Variants in ZMAT4 observed in about 807,000 individuals in gnomAD.
ZMAT4 encodes zinc finger matrin-type 4.
In ZMAT4, 17 loss-of-function variants were observed where a neutral mutation model predicts 28.7. The ratio of observed to expected loss-of-function variants is 0.59; its 90% CI spans 0.41 to 0.89. The LOEUF (loss-of-function observed/expected upper bound fraction) is 0.89. Ranked by LOEUF, ZMAT4 falls within the 40% of genes least tolerant of loss-of-function variation. The pLI is 0.00. For missense variants in ZMAT4, 240 were observed against 283.8 expected (o/e 0.85, Z 1.11); for synonymous variants, 117 against 109.2 (o/e 1.07, Z -0.44).
At chr8:40,569,411 T>C (rs1804022024) in intron 6 of ZMAT4, among the ~76,000 whole-genome samples, 1 of 152,184 alleles carries the variant, frequency 6.6e-6, no homozygotes, top group South Asian at 2.1e-4. Context: ...CAGCTATAGA[T>C]AGTTTACAAA....
chr8:40,730,850 A>G (rs1429936698), intron 3 of ZMAT4, among the ~76,000 whole-genome samples: 1 of 152,182 alleles, frequency 6.6e-6, no homozygotes, highest in Non-Finnish European at 1.5e-5. Flanking sequence ...ACTGTTTTGG[A>G]ACTCTGGAGT....
chr8:40,602,395 C>A (rs1433992771), intron 5 of ZMAT4, among the ~76,000 whole-genome samples: 2 of 152,152 alleles, frequency 1.3e-5, no homozygotes, highest in Non-Finnish European at 2.9e-5. Context: ...AGTGGGAATG[C>A]TGGCTGGATC....
At chr8:40,811,236 T>A (rs1815301001) in intron 2 of ZMAT4, among the ~76,000 whole-genome samples, 1 of 152,064 alleles carries the variant, frequency 6.6e-6, no homozygotes, top group African/African-American at 2.4e-5. Flanking sequence ...GTAAAGTGTG[T>A]TTTACTGGAG....
chr8:40,739,239 G>A (rs1055432487), intron 3 of ZMAT4, among the ~76,000 whole-genome samples: 12 of 152,152 alleles, frequency 7.9e-5, no homozygotes, highest in Admixed American at 5.2e-4. Context: ...ATACCCAAAA[G>A]GAGTCACGGC....
chr8:40,604,468 T>C (rs1043070530), intron 5 of ZMAT4, among the ~76,000 whole-genome samples: 2 of 152,232 alleles, frequency 1.3e-5, no homozygotes, highest in Non-Finnish European at 2.9e-5. Flanking sequence ...TCTGTATCTA[T>C]TGAGATGATC....
intron 6 of ZMAT4, among the ~76,000 whole-genome samples, chr8:40,532,599 C>G (rs1389218247): frequency 6.6e-6 from 1 of 152,152 alleles, no homozygotes; most frequent in African/African-American, 2.4e-5. Flanking sequence ...GCAGAACCCT[C>G]TTGTTGAAAG....
intron 5 of ZMAT4, among the ~76,000 whole-genome samples, chr8:40,667,454 C>T (rs1808467189): frequency 6.6e-6 from 1 of 152,038 alleles, no homozygotes; most frequent in South Asian, 2.1e-4. Context: ...GTGCCCGGCC[C>T]TGTCCTGCAA....
At chr8:40,859,474 G>GCA (rs757107216) in intron 1 of ZMAT4, among the ~76,000 whole-genome samples, 11 of 120,358 alleles carry the variant, frequency 9.1e-5, no homozygotes, top group Admixed American at 5.4e-4. Flanking sequence ...ACACACACAT[G>GCA]CACACACACA....
At chr8:40,707,629 A>G (rs1810418821) in intron 3 of ZMAT4, among the ~76,000 whole-genome samples, 1 of 137,650 alleles carries the variant, frequency 7.3e-6, no homozygotes, top group African/African-American at 2.9e-5. Context: ...GTATACATAC[A>G]TATAAGTATA....
At chr8:40,790,563 T>C (rs1229838616) in intron 2 of ZMAT4, among the ~76,000 whole-genome samples, 1 of 152,172 alleles carries the variant, frequency 6.6e-6, no homozygotes. Context: ...TATGAAATAT[T>C]TGGGGATAAA....
At chr8:40,587,788 T>C (rs1804716612) in intron 5 of ZMAT4, among the ~76,000 whole-genome samples, 6 of 151,974 alleles carry the variant, frequency 3.9e-5, no homozygotes, top group Admixed American at 3.9e-4. Context: ...ACATTACATA[T>C]AAATGAATTA....
At chr8:40,602,329 T>C (rs1805426661) in intron 5 of ZMAT4, among the ~76,000 whole-genome samples, 1 of 152,238 alleles carries the variant, frequency 6.6e-6, no homozygotes, top group Admixed American at 6.5e-5. Context: ...TAAACATGCA[T>C]GTGCAAGAAT....
At chr8:40,717,148 T>A (rs572081481) in intron 3 of ZMAT4, among the ~76,000 whole-genome samples, 3 of 152,320 alleles carry the variant, frequency 2.0e-5, no homozygotes, top group African/African-American at 7.2e-5. Flanking sequence ...GGTGAAGTCA[T>A]CCTTTTGCTT....
intron 6 of ZMAT4, among the ~76,000 whole-genome samples, chr8:40,568,456 C>T (rs1018962725): frequency 5.3e-5 from 8 of 152,040 alleles, no homozygotes; most frequent in Non-Finnish European, 8.8e-5. Flanking sequence ...CTGAGCAGGC[C>T]GGAACTTTGT....
At chr8:40,780,729 G>T (rs1310172928) in intron 2 of ZMAT4, among the ~76,000 whole-genome samples, 1 of 152,162 alleles carries the variant, frequency 6.6e-6, no homozygotes, top group Non-Finnish European at 1.5e-5. Flanking sequence ...AGATTTATTG[G>T]TTTAATAGAT....
chr8:40,851,348 AC>A (rs1473625244), intron 1 of ZMAT4, among the ~76,000 whole-genome samples: 1 of 152,144 alleles, frequency 6.6e-6, no homozygotes, highest in Non-Finnish European at 1.5e-5. Flanking sequence ...AAACAAACAA[AC>A]AAAAAAAAAC....
At chr8:40,606,699 A>G (rs546744478) in intron 5 of ZMAT4, among the ~76,000 whole-genome samples, 69 of 152,148 alleles carry the variant, frequency 4.5e-4, no homozygotes, top group South Asian at 3.1e-3. Flanking sequence ...GTGTTGTTTG[A>G]GCTTCTTGTA....
chr8:40,668,422 A>G (rs1053724864), intron 5 of ZMAT4, among the ~76,000 whole-genome samples: 1 of 148,762 alleles, frequency 6.7e-6, no homozygotes, highest in African/African-American at 2.5e-5. Flanking sequence ...GTGAGCCAAG[A>G]TAGCGCCACT....
chr8:40,715,161 G>C (rs370556104), intron 3 of ZMAT4, among the ~76,000 whole-genome samples: 2 of 151,966 alleles, frequency 1.3e-5, no homozygotes, highest in African/African-American at 4.8e-5. Flanking sequence ...AACAGCATTC[G>C]AAGTAGAAGG....
Sources: gnomAD v4.1 joint callset for allele counts (sites outside exome capture counted in the v4.1 genomes callset) on GRCh38, gnomAD v4.1.1 for gene constraint, MANE v1.5 for transcripts, NCBI Gene and HGNC (gene_info 2026-07-23, HGNC 2026-07-21) for gene names.